Variants in GRIK2 observed in about 807,000 individuals in gnomAD.
The protein encoded by GRIK2 is glutamate receptor ionotropic, kainate 2.
Under a neutral mutation model 100.3 loss-of-function variants are expected in GRIK2, and 32 were observed. That is an observed-to-expected ratio of 0.32 (90% confidence interval 0.24 to 0.43). The LOEUF is 0.43. GRIK2 is among the 20% of genes least tolerant of loss of function. The probability of loss-of-function intolerance (pLI) is 1.00; values close to 1 mark genes in which losing one functional copy is unlikely to be tolerated. For synonymous variants in GRIK2, 417 were observed against 389.4 expected, an observed-to-expected ratio of 1.07 and a Z score of -0.83; for missense variants, 843 against 1,114.9, an observed-to-expected ratio of 0.76 and a Z score of 3.47.
At chr6:101,839,245 A>G (rs1783349197) in intron 10 of GRIK2, among the ~76,000 whole-genome samples, 1 of 152,190 alleles carries the variant, frequency 6.6e-6, no homozygotes, top group Non-Finnish European at 1.5e-5. Flanking sequence ...AGTAGAGGCA[A>G]TGCCAGTGCT....
At chr6:101,520,668 G>C (rs1223599677) in intron 2 of GRIK2, among the ~76,000 whole-genome samples, 1 of 151,962 alleles carries the variant, frequency 6.6e-6, no homozygotes, top group Admixed American at 6.6e-5. Context: ...TTCTTTCTGA[G>C]AAAATAGCAG....
At chr6:101,423,071 C>A (rs911414878) in intron 2 of GRIK2, among the ~76,000 whole-genome samples, 4 of 152,210 alleles carry the variant, frequency 2.6e-5, no homozygotes. Context: ...GCTGACTATT[C>A]AGCTGACTCT....
intron 7 of GRIK2, among the ~76,000 whole-genome samples, chr6:101,764,381 C>T (rs939423097): frequency 5.4e-5 from 8 of 149,376 alleles, no homozygotes; most frequent in African/African-American, 1.9e-4. Context: ...CAAATGAAGT[C>T]TCTATACACA....
At chr6:101,929,482 T>TAAA (rs75539570) in intron 14 of GRIK2, among the ~76,000 whole-genome samples, 2 of 139,858 alleles carry the variant, frequency 1.4e-5, no homozygotes, top group African/African-American at 5.7e-5. Context: ...TATTTTTTTT[T>TAAA]AAAAAAATGA....
At chr6:101,716,903 A>G (rs1254050091) in intron 7 of GRIK2, among the ~76,000 whole-genome samples, 2 of 151,834 alleles carry the variant, frequency 1.3e-5, no homozygotes, top group Non-Finnish European at 2.9e-5. Flanking sequence ...TCCAGTGCCC[A>G]TTCCTCTACA....
At chr6:101,751,798 ATGTT>A (rs956437887) in intron 7 of GRIK2, among the ~76,000 whole-genome samples, 4 of 152,282 alleles carry the variant, frequency 2.6e-5, no homozygotes, top group Admixed American at 2.6e-4. Context: ...AACGTTGGAT[ATGTT>A]TGTTTGTTCT....
intron 2 of GRIK2, among the ~76,000 whole-genome samples, chr6:101,595,756 A>C (rs1046654975): frequency 6.7e-6 from 1 of 148,508 alleles, no homozygotes; most frequent in African/African-American, 2.5e-5. Context: ...ACACATATAA[A>C]TGCTAGAAGT....
chr6:101,790,958 T>G (rs888192199), intron 7 of GRIK2, among the ~76,000 whole-genome samples: 1 of 152,164 alleles, frequency 6.6e-6, no homozygotes, highest in Non-Finnish European at 1.5e-5. Context: ...GTCGAGGAAT[T>G]TATCCATTTC....
At chr6:101,811,632 T>C (rs774076927) in intron 9 of GRIK2, among the ~76,000 whole-genome samples, 7 of 151,988 alleles carry the variant, frequency 4.6e-5, no homozygotes, top group Non-Finnish European at 8.8e-5. Flanking sequence ...ATTATTTCCA[T>C]AAATTTCATA....
At chr6:101,887,230 A>G (rs989655463) in intron 11 of GRIK2, among the ~76,000 whole-genome samples, 6 of 152,140 alleles carry the variant, frequency 3.9e-5, no homozygotes, top group African/African-American at 1.4e-4. Flanking sequence ...GAGGTAATGC[A>G]TATGTTAATT....
intron 4 of GRIK2, among the ~76,000 whole-genome samples, chr6:101,629,086 A>C (rs905231427): frequency 1.3e-5 from 2 of 152,070 alleles, no homozygotes; most frequent in Non-Finnish European, 2.9e-5. Flanking sequence ...CATTGAGGCA[A>C]ATATAAATAG....
At chr6:101,407,614 G>A (rs574888311) in intron 2 of GRIK2, among the ~76,000 whole-genome samples, 79 of 150,690 alleles carry the variant, frequency 5.2e-4, no homozygotes, top group African/African-American at 1.8e-3. Context: ...TTTCCTTAAT[G>A]TGTAGCTCTA....
chr6:101,755,124 G>A (rs1427664531), intron 7 of GRIK2, among the ~76,000 whole-genome samples: 1 of 150,374 alleles, frequency 6.7e-6, no homozygotes, highest in African/African-American at 2.4e-5. Flanking sequence ...CTTATGACAG[G>A]ATTAGCATAA....
chr6:101,576,768 A>G (rs1018410278), intron 2 of GRIK2, among the ~76,000 whole-genome samples: 1 of 152,098 alleles, frequency 6.6e-6, no homozygotes, highest in Non-Finnish European at 1.5e-5. Flanking sequence ...GCTGACAAAC[A>G]TAAGGCACCT....
At chr6:101,755,703 T>C (rs76590832) in intron 7 of GRIK2, among the ~76,000 whole-genome samples, 3 of 152,138 alleles carry the variant, frequency 2.0e-5, no homozygotes, top group East Asian at 3.9e-4. Context: ...CTACTAAGTG[T>C]GTATGATAAG....
intron 14 of GRIK2, among the ~76,000 whole-genome samples, chr6:102,029,978 C>G (rs1769900506): frequency 6.6e-6 from 1 of 151,102 alleles, no homozygotes; most frequent in African/African-American, 2.4e-5. Flanking sequence ...ATCCATTATC[C>G]TGTATTTTTG....
chr6:101,818,024 A>G lies in GRIK2; in HGVS notation c.1204-346A>G, dbSNP rs536115168. On this transcript the variant is annotated intron_variant, in intron 9 of 16. Coordinates refer to ENST00000369134, the MANE Select transcript of GRIK2 (RefSeq NM_021956.5). ...CATGTTATCTTTATGAGAGGATGAA[A>G]TAGATCCATTACAGTAAAAGATGTA... Among the ~76,000 whole-genome samples the G allele has an allele frequency of 2.6e-5, 4 of 152,288 alleles. No individual in the cohort carries two copies. In the South Asian group the frequency reaches 8.3e-4, roughly 32 times the overall value.
At chr6:101,995,536 C>T (rs1234191662) in intron 14 of GRIK2, among the ~76,000 whole-genome samples, 1 of 151,910 alleles carries the variant, frequency 6.6e-6, no homozygotes, top group African/African-American at 2.4e-5. Flanking sequence ...TACTACTTGA[C>T]AGCAAAGAGC....
chr6:101,523,285 A>G (rs1011097798), intron 2 of GRIK2, among the ~76,000 whole-genome samples: 4 of 152,118 alleles, frequency 2.6e-5, no homozygotes, highest in African/African-American at 9.7e-5. Context: ...TAGACCTACC[A>G]TGGTAAAGAC....
Sources: gnomAD v4.1 joint callset for allele counts (sites outside exome capture counted in the v4.1 genomes callset) on GRCh38, gnomAD v4.1.1 for gene constraint, MANE v1.5 for transcripts, NCBI Gene and HGNC (gene_info 2026-07-23, HGNC 2026-07-21) for gene names.